The following CHD1 variants were observed in gnomAD, a reference collection of about 807,000 sequenced individuals.
The protein encoded by CHD1 is ATP-dependent chromatin remodeler CHD1.
A neutral mutation model predicts 224.2 loss-of-function variants in CHD1; 36 were observed. The observed-to-expected ratio is 0.16, with a 90% CI of 0.12 to 0.21. CHD1 has a LOEUF of 0.21. Among genes scored for constraint, CHD1 ranks in the 10% least tolerant of loss-of-function variants. The pLI, the probability that CHD1 is intolerant of heterozygous loss-of-function variation, is 1.00. For missense variants in CHD1, 1,378 were observed against 1,994.8 expected, an observed-to-expected ratio of 0.69 and a Z score of 5.89; for synonymous variants, 668 against 658.3, an observed-to-expected ratio of 1.01 and a Z score of -0.23.
In CHD1 at chr5:98,870,667, G is replaced by A. The variant is rs755232486; in HGVS notation, c.3978+20C>T. ...TTACTAAAAAGTAAACTGGTCTTAG[G>A]CATGTGGGCTTTAACTTACCGCACC... is the stretch of plus-strand genomic sequence containing the variant. On this transcript the variant is annotated intron_variant, in intron 29 of 35. Transcript: ENST00000614616. 4.2e-6 allele frequency: 6 copies of A among 1,416,052 alleles called. No homozygotes were observed. Among genetic ancestry groups the A allele is most frequent in the Non-Finnish European group, 4.9e-6 (5 of 1,021,220 alleles). The allele number at this position is 1,416,052 out of a possible 1,614,324, so 87.7% of individuals were successfully genotyped here.
rs1751471618 is a variant in CHD1, at chr5:98,898,248, A to G, written c.1365+8T>C. The stretch of plus-strand genomic sequence containing the variant: ...TTTTAATAATTTAAAATGTTAGACA[A>G]TACTCACTTTGCAATCTTTAAAAGG... On this transcript the variant is annotated splice_region_variant and intron_variant, in intron 10 of 35. Transcript: ENST00000614616. 2 of 1,437,180 alleles carry G rather than the reference A, an allele frequency of 1.4e-6. No homozygotes were observed. Among genetic ancestry groups the G allele is most frequent in the Non-Finnish European group, 9.3e-7 (1 of 1,076,510 alleles). 89.0% of individuals were successfully genotyped at this position (1,437,180 alleles called of 1,614,324 possible).
intron 25 of CHD1, among the ~76,000 whole-genome samples, chr5:98,874,500 G>A: frequency 7.6e-6 from 1 of 130,888 alleles, no homozygotes; most frequent in Non-Finnish European, 1.6e-5. Flanking sequence ...AGGAGTTCTA[G>A]ACCAACCTGG....
At chr5:98,888,028 T>C in intron 17 of CHD1, 60 bp downstream of exon 17, 2 of 1,130,056 alleles carry the variant, frequency 1.8e-6, no homozygotes, top group South Asian at 1.8e-5. Context: ...CAGTTAATTC[T>C]GTAAAATATG....
Position 98,876,488 on chromosome 5 carries a change from A to G in CHD1, c.3308T>C (p.Ile1103Thr), listed in dbSNP as rs771051017. 5 of 1,614,022 alleles carry G rather than the reference A, an allele frequency of 3.1e-6. No homozygotes were observed. The highest frequency in any genetic ancestry group is 4.2e-6 in the Non-Finnish European group (5 of 1,179,922). Reference sequence around the variant, plus strand: ...TTTCTTTGGCCTTTTCCCTTCTGAGATGGAATCACTATCAGATCCAGAGTA... The same window carrying G: ...TTTCTTTGGCCTTTTCCCTTCTGAGGTGGAATCACTATCAGATCCAGAGTA... ...RRYSGSDSDSISEGKRPKKRG... is the reference protein window; with the variant it reads ...RRYSGSDSDSTSEGKRPKKRG... The change falls in exon 24 of 36, where the codon ATC (isoleucine) becomes ACC (threonine). Residue 1103 changes from isoleucine (I) to threonine (T), a missense_variant. Ile to Thr is a moderately conservative substitution (Grantham distance 89). Around this residue, in one of 16 missense-constraint regions of CHD1, gnomAD observed 286 missense variants for 445.1 expected, o/e 0.64. Coordinates refer to ENST00000614616, the MANE Select transcript of CHD1 (RefSeq NM_001270.4).
At chr5:98,899,788 G>A in intron 7 of CHD1, 83 bp from the exon 8 acceptor site, 3 of 903,396 alleles carry the variant, frequency 3.3e-6, no homozygotes, top group Non-Finnish European at 5.2e-6. Context: ...AATAATATGA[G>A]TACAAAAATA....
rs1272864595 is a variant in CHD1 at position 98,897,312 on chromosome 5, T to C, written c.1374A>G (p.Lys458=). The change falls in exon 11 of 36, where the codon AAA becomes AAG. Residue 458 remains lysine, a synonymous_variant. Transcript: ENST00000614616. ...TCAGGGCTACAAACCTTGGCCTTTGTTTTAATACCTTTAGTAGAAATAAAC... is the reference window on the plus strand; with the variant it reads ...TCAGGGCTACAAACCTTGGCCTTTGCTTTAATACCTTTAGTAGAAATAAAC... ...TTPFKDCKVL[K]QRPRFVALKK... 6 of 1,592,674 alleles carry C rather than the reference T, an allele frequency of 3.8e-6. No homozygotes were observed. Among genetic ancestry groups the C allele is most frequent in the Non-Finnish European group, 5.1e-6 (6 of 1,165,148 alleles).
chr5:98,874,378 A>T (rs1749587655), intron 25 of CHD1, among the ~76,000 whole-genome samples: 1 of 151,920 alleles, frequency 6.6e-6, no homozygotes, highest in Non-Finnish European at 1.5e-5. Context: ...TTTGTATAAT[A>T]AGAGAATGAA....
At chr5:98,899,399 T>C (rs937112879) in intron 8 of CHD1, 81 bp downstream of exon 8, 11 of 876,518 alleles carry the variant, frequency 1.3e-5, no homozygotes, top group African/African-American at 3.4e-5. Flanking sequence ...TCATTTAATG[T>C]TACTATGTAT....
intron 2 of CHD1, among the ~76,000 whole-genome samples, chr5:98,909,734 C>T (rs770518293): frequency 3.9e-5 from 6 of 152,128 alleles, no homozygotes; most frequent in Non-Finnish European, 7.4e-5. Context: ...AGTTAAATCG[C>T]CAGCATCCTT....
chr5:98,869,615 T>TAC (rs1749164121), intron 30 of CHD1, 139 bp downstream of exon 30: 2 of 725,492 alleles, frequency 2.8e-6, no homozygotes, highest in South Asian at 1.9e-5. Flanking sequence ...CGTGCGCACG[T>TAC]GCGCGCGCAC....
intron 31 of CHD1, among the ~76,000 whole-genome samples, chr5:98,864,799 T>G (rs890624804): frequency 1.3e-5 from 2 of 152,228 alleles, no homozygotes; most frequent in African/African-American, 4.8e-5. Flanking sequence ...AAATCTTTAA[T>G]TTCCTTTCTA....
In CHD1 at chr5:98,881,279, C is replaced by A; in HGVS notation, c.2964G>T (p.Gln988His). Reference sequence around the variant, plus strand: ...TTTTTTTTTTTTTTTTTTTTTTTACCTGGGGCTCTTGTTCTTCTCCTTCAG... The same window carrying A: ...TTTTTTTTTTTTTTTTTTTTTTTACATGGGGCTCTTGTTCTTCTCCTTCAG... The part of the protein sequence containing the change: ...KEPEGEEQEP[Q>H]EMDIDEILKR... Residue 988 changes from glutamine (Q) to histidine (H), a missense_variant and splice_region_variant, in exon 21 of 36, where the codon CAG becomes CAT. Gln to His is a conservative substitution (Grantham distance 24). Around this residue, in one of 16 missense-constraint regions of CHD1, gnomAD observed 286 missense variants for 445.1 expected, o/e 0.64. Coordinates refer to ENST00000614616, the MANE Select transcript of CHD1 (RefSeq NM_001270.4). The A allele has an allele frequency of 1.9e-5, 17 of 917,764 alleles. No homozygotes were observed. The highest frequency in any genetic ancestry group is 2.4e-5 in the African/African-American group (1 of 40,958). The allele number at this position is 917,764 out of a possible 1,614,324, so 56.9% of individuals were successfully genotyped here. A position where few individuals can be genotyped will look rare whatever the true frequency, so the allele number is the denominator to read the frequency against.
intron 1 of CHD1, among the ~76,000 whole-genome samples, chr5:98,926,780 G>A (rs1382756140): frequency 6.6e-6 from 1 of 152,068 alleles, no homozygotes; most frequent in Non-Finnish European, 1.5e-5. Context: ...TTTGTGGAGT[G>A]AAAGGATTTT....
At chr5:98,874,933 T>G in intron 25 of CHD1, 139 bp downstream of exon 25, 1 of 567,622 alleles carries the variant, frequency 1.8e-6, no homozygotes, top group South Asian at 2.4e-5. Flanking sequence ...AATCTGAAAT[T>G]TCCCTTGTAC....
chr5:98,927,202 T>C (rs1561286934), intron 1 of CHD1, among the ~76,000 whole-genome samples: 1 of 152,254 alleles, frequency 6.6e-6, no homozygotes, highest in Non-Finnish European at 1.5e-5. Context: ...ACACTATATC[T>C]GATTTTTTAC....
rs377063711 is a variant in CHD1 at position 98,859,001 on chromosome 5, T to G, written c.4539A>C (p.Gln1513His). 1.6e-5 allele frequency: 26 copies of G among 1,577,306 alleles called. No homozygotes were observed. Among genetic ancestry groups the G allele is most frequent in the Non-Finnish European group, 2.1e-5 (25 of 1,168,044 alleles). Reference protein sequence around the residue: ...KRQESQQNSDQNSNLNPHVIR... With the variant: ...KRQESQQNSDHNSNLNPHVIR... ...TCACGTGAGGATTCAAGTTGCTGTT[T>G]TGATCACTGTTTTGCTAAAATAAAT... The change falls in exon 34 of 36, where the codon CAA becomes CAC. Residue 1513 changes from glutamine (Q) to histidine (H), a missense_variant. By Grantham distance (24) the Gln-to-His change is conservative. Transcript: ENST00000614616.
In CHD1 at chr5:98,888,306, T is replaced by G. The variant is rs189436936; in HGVS notation, c.2344-66A>C. The stretch of plus-strand genomic sequence containing the variant: ...AATGGTAAGTTGTCCACGTAACACT[T>G]TAGTTGCCTGAATTATTTTAAATTG... On this transcript the variant is annotated intron_variant, in intron 16 of 35. Transcript: ENST00000614616. 1.3e-3 allele frequency: 1,406 copies of G among 1,079,414 alleles called. 3 individuals are homozygous for G. Among genetic ancestry groups the G allele is most frequent in the Non-Finnish European group, 1.6e-3 (1,185 of 763,348 alleles). 66.9% of individuals were successfully genotyped at this position (1,079,414 alleles called of 1,614,324 possible).
At chr5:98,881,708 C>T (rs374373) in intron 20 of CHD1, among the ~76,000 whole-genome samples, 1 of 151,998 alleles carries the variant, frequency 6.6e-6, no homozygotes, top group Non-Finnish European at 1.5e-5. Context: ...TGGGGTTTCA[C>T]TATGTTGCCT....
chr5:98,897,869 T>A (rs1373968570), intron 10 of CHD1, among the ~76,000 whole-genome samples: 1 of 152,150 alleles, frequency 6.6e-6, no homozygotes, highest in African/African-American at 2.4e-5. Flanking sequence ...TAAGAAAATA[T>A]CCACTATCTT....
Sources: gnomAD v4.1 joint callset for allele counts (sites outside exome capture counted in the v4.1 genomes callset) on GRCh38, gnomAD v4.1.1 for gene constraint, gnomAD v4.1.1 regional missense constraint, MANE v1.5 for transcripts, NCBI Gene and HGNC (gene_info 2026-07-23, HGNC 2026-07-21) for gene names.